Variants in GNG2 observed in about 807,000 individuals in gnomAD.
The protein encoded by GNG2 is G protein subunit gamma 2, also known as guanine nucleotide-binding protein G(I)/G(S)/G(O) subunit gamma-2.
In GNG2, 5 loss-of-function variants were observed where a neutral mutation model predicts 5.5. The observed-to-expected ratio is 0.91, with a 90% CI of 0.48 to 1.92. GNG2 has a LOEUF of 1.92. Ranked by LOEUF, GNG2 falls within the 30% of genes most tolerant of loss-of-function variation. The pLI is 0.01. For missense variants in GNG2, 55 were observed against 88.4 expected (o/e 0.62, Z 1.52); for synonymous variants, 28 against 32.0 (o/e 0.88, Z 0.42).
At chr14:51,828,693 T>A (rs115874083) in intron 2 of GNG2, among the ~76,000 whole-genome samples, 2,829 of 152,248 alleles carry the variant, frequency 0.019, 85 homozygotes, top group African/African-American at 0.064. Flanking sequence ...TCAAGCTGCT[T>A]GGGTTGGTCT....
intron 2 of GNG2, among the ~76,000 whole-genome samples, chr14:51,880,244 A>G (rs12889199): frequency 0.16 from 23,989 of 152,166 alleles, 2,994 homozygotes; most frequent in African/African-American, 0.34. Flanking sequence ...CAGTGTACAG[A>G]TTACAAGGTC....
intron 2 of GNG2, among the ~76,000 whole-genome samples, chr14:51,900,258 A>G (rs1342069582): frequency 2.0e-5 from 3 of 152,186 alleles, no homozygotes; most frequent in Non-Finnish European, 4.4e-5. Context: ...CCTAATGATT[A>G]GTGACTTGGA....
chr14:51,844,704 T>C (rs995200071), intron 2 of GNG2, among the ~76,000 whole-genome samples: 5 of 152,166 alleles, frequency 3.3e-5, no homozygotes, highest in African/African-American at 1.2e-4. Flanking sequence ...ATGGCCTTGG[T>C]ATCTGTTCCT....
intron 2 of GNG2, among the ~76,000 whole-genome samples, chr14:51,931,553 A>G (rs1370552475): frequency 6.6e-6 from 1 of 152,114 alleles, no homozygotes; most frequent in Non-Finnish European, 1.5e-5. Context: ...GAGATCACTG[A>G]GGTGGGTGAG....
At chr14:51,856,805 A>G (rs1157706024), upstream of GNG2, among the ~76,000 whole-genome samples, 1 of 152,222 alleles carries the variant, frequency 6.6e-6, no homozygotes, top group African/African-American at 2.4e-5. Flanking sequence ...CAGAAATGGA[A>G]CTAGGAGTTG....
intron 2 of GNG2, among the ~76,000 whole-genome samples, chr14:51,850,227 A>G (rs558859780): frequency 2.6e-5 from 4 of 151,940 alleles, no homozygotes; most frequent in Admixed American, 2.0e-4. Flanking sequence ...CCCACCCTTA[A>G]TTTTAGAAGC....
chr14:51,856,165 A>G (rs1209752227), upstream of GNG2, among the ~76,000 whole-genome samples: 1 of 152,092 alleles, frequency 6.6e-6, no homozygotes, highest in African/African-American at 2.4e-5. Flanking sequence ...GTAACAGAGC[A>G]AGACAGTCTC....
intron 2 of GNG2, among the ~76,000 whole-genome samples, chr14:51,893,101 CA>C (rs1884969797): frequency 6.6e-6 from 1 of 152,218 alleles, no homozygotes; most frequent in African/African-American, 2.4e-5. Context: ...ACCTGTCATA[CA>C]TCCATGCTTT....
At chr14:51,907,423 T>C (rs772917161) in intron 2 of GNG2, among the ~76,000 whole-genome samples, 1 of 152,230 alleles carries the variant, frequency 6.6e-6, no homozygotes, top group Non-Finnish European at 1.5e-5. Flanking sequence ...ACAACGGTAA[T>C]AGCAGAAGAA....
intron 2 of GNG2, among the ~76,000 whole-genome samples, chr14:51,843,402 G>C (rs1200810450): frequency 6.6e-6 from 1 of 152,072 alleles, no homozygotes; most frequent in Non-Finnish European, 1.5e-5. Context: ...ACAGGGATGG[G>C]AGCATCACAC....
chr14:51,856,439 G>T (rs957657677), upstream of GNG2, among the ~76,000 whole-genome samples: 6 of 151,838 alleles, frequency 4.0e-5, no homozygotes, highest in South Asian at 2.1e-4. Flanking sequence ...TTTCTTTTTT[G>T]TTGTTGTTGT....
chr14:51,913,599 T>C (rs536577495), intron 2 of GNG2, among the ~76,000 whole-genome samples: 14 of 152,232 alleles, frequency 9.2e-5, no homozygotes, highest in South Asian at 2.1e-4. Flanking sequence ...ACAGGATGAA[T>C]GGTCCTTTCC....
At chr14:51,884,900 T>C (rs1884342784) in intron 2 of GNG2, among the ~76,000 whole-genome samples, 1 of 152,200 alleles carries the variant, frequency 6.6e-6, no homozygotes, top group Non-Finnish European at 1.5e-5. Context: ...GCCAGTAGGT[T>C]CTTCCTCTGG....
rs1884498015 is a variant in GNG2, at chr14:51,886,923, T to C, written c.-30+9266T>C. 3.9e-5 allele frequency among the ~76,000 whole-genome samples: 6 copies of C among 152,178 alleles called. No individual in the cohort carries two copies. The South Asian group carries it at 1.2e-3, about 32-fold the overall frequency. On this transcript the variant is annotated intron_variant, in intron 2 of 3. Transcript: ENST00000556766. ...GATTTGGAGAGGCAAATGGAAGATA[T>C]ACAGCACAGTTAACCTTCATCACGG...
intron 1 of GNG2, chr14:51,874,000 C>T (rs908653840): frequency 6.6e-6 from 1 of 152,140 alleles, no homozygotes; most frequent in Non-Finnish European, 1.5e-5. Flanking sequence ...AAAATAAAAC[C>T]AAATTCTTGG....
chr14:51,878,076 C>CCAGCAG lies in GNG2; in HGVS notation c.-30+431_-30+436dup, dbSNP rs996097487. The CCAGCAG allele has an allele frequency of 9.0e-5, 15 of 166,426 alleles. 1 individual carries two copies. The highest frequency in any genetic ancestry group is 2.7e-3 in the Middle Eastern group (1 of 366). 10.3% of individuals were successfully genotyped at this position (166,426 alleles called of 1,614,324 possible). A position where few individuals can be genotyped will look rare whatever the true frequency, so the allele number is the denominator to read the frequency against. ...GGTTGTAAACATTGTAAGGGCTTTT[C>CCAGCAG]CAGCAGCAGCAGCAGCAACAACAAC... On this transcript the variant is annotated intron_variant, in intron 2 of 3. Coordinates refer to ENST00000556766, the MANE Select transcript of GNG2 (RefSeq NM_053064.5).
chr14:51,916,806 C>G (rs1886673177), intron 2 of GNG2, among the ~76,000 whole-genome samples: 1 of 152,172 alleles, frequency 6.6e-6, no homozygotes, highest in Non-Finnish European at 1.5e-5. Context: ...AGCCTCCCAT[C>G]TAATAGCATT....
At chr14:51,906,415 T>C (rs928196429) in intron 2 of GNG2, among the ~76,000 whole-genome samples, 2 of 152,246 alleles carry the variant, frequency 1.3e-5, no homozygotes, top group African/African-American at 4.8e-5. Flanking sequence ...GTTTAATCAA[T>C]TTACTGAGTT....
At chr14:51,889,161 G>A (rs544854429) in intron 2 of GNG2, among the ~76,000 whole-genome samples, 1 of 146,664 alleles carries the variant, frequency 6.8e-6, no homozygotes, top group East Asian at 2.0e-4. Flanking sequence ...CGCCTAGGCT[G>A]GAGTACATTG....
Sources: allele counts gnomAD v4.1 joint callset (sites outside exome capture counted in the v4.1 genomes callset), GRCh38; gene constraint gnomAD v4.1.1; transcripts MANE v1.5; gene names NCBI Gene and HGNC (gene_info 2026-07-23, HGNC 2026-07-21).